Variants in POLDIP2 observed in about 807,000 individuals in gnomAD.
POLDIP2 encodes the protein DNA polymerase delta interacting protein 2.
A neutral mutation model predicts 52.9 loss-of-function variants in POLDIP2; 32 were observed. The observed-to-expected ratio is 0.61, with a 90% CI of 0.46 to 0.81. The LOEUF is 0.81. Among genes scored for constraint, POLDIP2 ranks in the 40% least tolerant of loss-of-function variants. POLDIP2 has a pLI of 0.00. For missense variants in POLDIP2, 371 were observed against 477.3 expected (o/e 0.78, Z 2.07); for synonymous variants, 183 against 183.0 (o/e 1.00, Z 0.00).
At chr17:28,350,119 T>C (rs1021050725) in intron 9 of POLDIP2, among the ~76,000 whole-genome samples, 3 of 152,120 alleles carry the variant, frequency 2.0e-5, no homozygotes, top group African/African-American at 7.2e-5. Context: ...CAAATTTTAG[T>C]TTTTAAAAGA....
intron 1 of POLDIP2, among the ~76,000 whole-genome samples, chr17:28,356,528 C>T (rs1290096017): frequency 3.3e-5 from 5 of 152,272 alleles, no homozygotes; most frequent in Middle Eastern, 3.4e-3. Context: ...AGATTTCCTA[C>T]GGCACATCGC....
intron 9 of POLDIP2, 56 bp from the exon 10 acceptor site, chr17:28,349,218 A>C: frequency 7.6e-7 from 1 of 1,313,218 alleles, no homozygotes; most frequent in South Asian, 1.2e-5. Flanking sequence ...TGTTTCCTGC[A>C]CCCCAGGGTT....
In POLDIP2 at chr17:28,352,233, A is replaced by ATTTTTTTTTT. The variant is rs1555580125; in HGVS notation, c.623-434_623-433insAAAAAAAAAA. Among the ~76,000 whole-genome samples the ATTTTTTTTTT allele has an allele frequency of 3.4e-4, 15 of 44,294 alleles. No individual in the cohort carries two copies. In the South Asian group the frequency reaches 3.9e-3, roughly 12 times the overall value. The allele number at this position is 44,294 out of a possible 152,430, so 29.1% of individuals were successfully genotyped here. A position where few individuals can be genotyped will look rare whatever the true frequency, so the allele number is the denominator to read the frequency against. ...GTTGTGGAAATAGAGCGTTGGAATT[A>ATTTTTTTTTT]TTTCTTTTTTTTTTTTTTTTTTGGA... On this transcript the variant is annotated intron_variant, in intron 6 of 10. Transcript: ENST00000540200.
chr17:28,354,433 A>G, intron 3 of POLDIP2, 55 bp downstream of exon 3: 2 of 1,237,918 alleles, frequency 1.6e-6, no homozygotes, highest in Non-Finnish European at 2.3e-6. Context: ...CCAATTACAT[A>G]TGTCTGCCAT....
chr17:28,348,959 A>G (rs906998760), intron 10 of POLDIP2, 124 bp downstream of exon 10: 65 of 627,334 alleles, frequency 1.0e-4, no homozygotes, highest in Middle Eastern at 2.5e-4. Context: ...TATAGCAGAT[A>G]AGGCTCCCTC....
chr17:28,347,633 C>G lies in POLDIP2; in HGVS notation c.*484G>C, dbSNP rs1453126756. 6.2e-6 allele frequency: 1 copy of G among 160,600 alleles called. No homozygotes were observed. The highest frequency in any genetic ancestry group is 2.4e-5 in the African/African-American group (1 of 41,498). The allele number at this position is 160,600 out of a possible 1,614,324, so 9.9% of individuals were successfully genotyped here. ...CAACTAGCTGAGAGGCACAGTGACC[C>G]TAGGAGATGTCCAGCCAGCCTCCAG... On this transcript the variant is annotated 3_prime_UTR_variant, in exon 11 of 11. Transcript: ENST00000540200.
chr17:28,356,513 T>C (rs1908036587), intron 1 of POLDIP2, among the ~76,000 whole-genome samples: 1 of 152,130 alleles, frequency 6.6e-6, no homozygotes, highest in African/African-American at 2.4e-5. Context: ...AGCTTAAACA[T>C]CTCTAGATTT....
chr17:28,356,246 CT>C (rs548931888), intron 1 of POLDIP2, among the ~76,000 whole-genome samples: 1 of 151,974 alleles, frequency 6.6e-6, no homozygotes, highest in Non-Finnish European at 1.5e-5. Context: ...AGGGGAGTAT[CT>C]TTTTTTCTTC....
At chr17:28,348,568 C>T (rs1404007058) in intron 10 of POLDIP2, among the ~76,000 whole-genome samples, 3 of 152,132 alleles carry the variant, frequency 2.0e-5, no homozygotes, top group Admixed American at 6.5e-5. Context: ...CAAAATTAGC[C>T]GGGCGTGGTG....
At chr17:28,350,717 C>A in intron 8 of POLDIP2, 49 bp downstream of exon 8, 2 of 1,585,554 alleles carry the variant, frequency 1.3e-6, no homozygotes, top group Non-Finnish European at 1.7e-6. Flanking sequence ...CCACCCTGAC[C>A]CCCAGGCACA....
Position 28,347,497 on chromosome 17 carries a change from G to A in POLDIP2, c.*620C>T, listed in dbSNP as rs1555579201. ...TCCTGGGCCTAGCGAGGCCAGAAATGGCAATGGTCGGTCAGTGCTAAGAGC... is the reference window on the plus strand; with the variant it reads ...TCCTGGGCCTAGCGAGGCCAGAAATAGCAATGGTCGGTCAGTGCTAAGAGC... On this transcript the variant is annotated 3_prime_UTR_variant, in exon 11 of 11. Transcript: ENST00000540200. 1 of 152,312 alleles carries A rather than the reference G, an allele frequency of 6.6e-6. No homozygotes were observed. 9.4% of individuals were successfully genotyped at this position (152,312 alleles called of 1,614,324 possible). A position where few individuals can be genotyped will look rare whatever the true frequency, so the allele number is the denominator to read the frequency against.
chr17:28,355,738 T>A lies in POLDIP2; in HGVS notation c.243+57A>T, dbSNP rs1907997918. ...ATGCAGGCCTGTGACCTAATCTGAC[T>A]TTTTTCAGAAGCAGAGCACTCTATG... On this transcript the variant is annotated intron_variant, in intron 2 of 10. Transcript: ENST00000540200. 8.0e-6 allele frequency: 11 copies of A among 1,375,766 alleles called. No individual in the cohort carries two copies. The Admixed American group carries it at 1.3e-4, about 17-fold the overall frequency. The allele number at this position is 1,375,766 out of a possible 1,614,324, so 85.2% of individuals were successfully genotyped here.
chr17:28,350,829 G>GC (rs1907770877), intron 7 of POLDIP2, 37 bp from the exon 8 acceptor site: 1 of 1,538,754 alleles, frequency 6.5e-7, no homozygotes. Context: ...GTCCCACAGG[G>GC]CAAGACCAAG....
Position 28,347,917 on chromosome 17 carries a change from T to C in POLDIP2, c.*200A>G. On this transcript the variant is annotated 3_prime_UTR_variant, in exon 11 of 11. Transcript: ENST00000540200. ...TGGAACATGGTGTAGGCAGGGCTTATGAGGAGGCCAGCCTTGGAGGTGTCC... is the reference window on the plus strand; with the variant it reads ...TGGAACATGGTGTAGGCAGGGCTTACGAGGAGGCCAGCCTTGGAGGTGTCC... The C allele has an allele frequency of 1.7e-6, 1 of 575,826 alleles. No homozygotes were observed. Among genetic ancestry groups the C allele is most frequent in the South Asian group, 2.1e-5 (1 of 47,602 alleles). The allele number at this position is 575,826 out of a possible 1,614,324, so 35.7% of individuals were successfully genotyped here. A position where few individuals can be genotyped will look rare whatever the true frequency, so the allele number is the denominator to read the frequency against.
At chr17:28,349,902 T>A (rs1346971034) in intron 9 of POLDIP2, among the ~76,000 whole-genome samples, 2 of 152,180 alleles carry the variant, frequency 1.3e-5, no homozygotes, top group African/African-American at 2.4e-5. Context: ...GCCTCCCCAG[T>A]CCTCGCTGAC....
At chr17:28,349,220 C>A (rs1159419170) in intron 9 of POLDIP2, 58 bp from the exon 10 acceptor site, 17 of 1,281,530 alleles carry the variant, frequency 1.3e-5, no homozygotes, top group Non-Finnish European at 1.9e-5. Flanking sequence ...TTTCCTGCAC[C>A]CCAGGGTTAC....
chr17:28,352,237 C>CTTTTTTTTTTTTTTTTTTTTT (rs782311219), intron 6 of POLDIP2, among the ~76,000 whole-genome samples: 1 of 87,682 alleles, frequency 1.1e-5, no homozygotes. Context: ...GGAATTATTT[C>CTTTTTTTTTTTTTTTTTTTTT]TTTTTTTTTT....
chr17:28,347,156 C>G lies in POLDIP2; in HGVS notation c.*961G>C, dbSNP rs1287137935. The G allele has an allele frequency of 6.6e-6, 1 of 152,192 alleles. No individual in the cohort carries two copies. The highest frequency in any genetic ancestry group is 2.4e-5 in the African/African-American group (1 of 41,438). The allele number at this position is 152,192 out of a possible 1,614,324, so 9.4% of individuals were successfully genotyped here. A position where few individuals can be genotyped will look rare whatever the true frequency, so the allele number is the denominator to read the frequency against. On this transcript the variant is annotated 3_prime_UTR_variant, in exon 11 of 11. Coordinates refer to ENST00000540200, the MANE Select transcript of POLDIP2 (RefSeq NM_015584.5). ...TGTTGCCCTGCAACCCCAGCTCCCCCTGGAGGACTAAGGACAAGAATAACA... is the reference window on the plus strand; with the variant it reads ...TGTTGCCCTGCAACCCCAGCTCCCCGTGGAGGACTAAGGACAAGAATAACA...
chr17:28,352,538 T>G, intron 6 of POLDIP2, among the ~76,000 whole-genome samples: 2 of 29,884 alleles, frequency 6.7e-5, no homozygotes, highest in Non-Finnish European at 1.4e-4. Flanking sequence ...CACCCGGGCC[T>G]TTTTTTTTTT....
Sources: gnomAD v4.1 joint callset for allele counts (sites outside exome capture counted in the v4.1 genomes callset) on GRCh38, gnomAD v4.1.1 for gene constraint, MANE v1.5 for transcripts, NCBI Gene and HGNC (gene_info 2026-07-23, HGNC 2026-07-21) for gene names.